Variants in SHC3 observed in about 807,000 individuals in gnomAD.
SHC3 encodes the protein SHC adaptor protein 3.
A neutral mutation model predicts 60.4 loss-of-function variants in SHC3; 15 were observed. The ratio of observed to expected loss-of-function variants is 0.25; its 90% confidence interval spans 0.17 to 0.38. The LOEUF (loss-of-function observed/expected upper bound fraction) is 0.38. Ranked by LOEUF, SHC3 falls within the 10% of genes least tolerant of loss-of-function variation. The pLI is 1.00. For missense variants in SHC3, 677 were observed against 786.1 expected, an observed-to-expected ratio of 0.86 and a Z score of 1.66; for synonymous variants, 294 against 325.9, an observed-to-expected ratio of 0.90 and a Z score of 1.05.
chr9:89,164,263 T>C (rs917258740), intron 1 of SHC3, among the ~76,000 whole-genome samples: 13 of 152,114 alleles, frequency 8.5e-5, no homozygotes, highest in Non-Finnish European at 1.6e-4. Flanking sequence ...ACTTGAAGGC[T>C]ACAGAGCTCT....
chr9:89,152,588 A>T lies in SHC3; in HGVS notation c.474+25399T>A, dbSNP rs531883043. Among the ~76,000 whole-genome samples the T allele has an allele frequency of 5.3e-5, 8 of 152,036 alleles. No individual in the cohort carries two copies. In the South Asian group the frequency reaches 8.3e-4, roughly 16 times the overall value. On this transcript the variant is annotated intron_variant, in intron 1 of 11. Coordinates refer to ENST00000375835, the MANE Select transcript of SHC3 (RefSeq NM_016848.6). ...AATTCTTTAAAGTCAACCACTGCCC[A>T]CTCTCCAGCTTATATAACATGGCAC... is the stretch of plus-strand genomic sequence containing the variant.
At chr9:89,153,048 T>A (rs952699315) in intron 1 of SHC3, among the ~76,000 whole-genome samples, 15 of 152,192 alleles carry the variant, frequency 9.9e-5, no homozygotes, top group African/African-American at 3.4e-4. Context: ...TCTGTTGATG[T>A]TTGCACTGGT....
chr9:89,037,551 G>A, intron 11 of SHC3: 1 of 716,136 alleles, frequency 1.4e-6, no homozygotes. Flanking sequence ...AAGAGACTTA[G>A]CAATGGGGGT....
chr9:89,127,592 T>C (rs1356960367), intron 1 of SHC3, among the ~76,000 whole-genome samples: 1 of 152,184 alleles, frequency 6.6e-6, no homozygotes, highest in African/African-American at 2.4e-5. Flanking sequence ...ATCTGACGTT[T>C]TTGACTTTGG....
intron 11 of SHC3, among the ~76,000 whole-genome samples, chr9:89,017,358 T>A (rs912486092): frequency 6.6e-6 from 1 of 152,176 alleles, no homozygotes; most frequent in African/African-American, 2.4e-5. Flanking sequence ...TCTACAACCA[T>A]CTGATCTTTG....
At position 89,113,476 on chromosome 9, in the gene SHC3, C is replaced by T. The variant is rs539158998; in HGVS notation, c.475-850G>A. 1.4e-4 allele frequency among the ~76,000 whole-genome samples: 21 copies of T among 151,916 alleles called. 1 individual carries two copies. The South Asian group carries it at 4.2e-3, about 30-fold the overall frequency. ...CTGCACTACAGCCTGGGCGACAGAGCGAGACTCCATCTCAAAAAAGAAAAA... is the reference window on the plus strand; with the variant it reads ...CTGCACTACAGCCTGGGCGACAGAGTGAGACTCCATCTCAAAAAAGAAAAA... On this transcript the variant is annotated intron_variant, in intron 1 of 11. Coordinates refer to ENST00000375835, the MANE Select transcript of SHC3 (RefSeq NM_016848.6).
At chr9:89,163,991 CT>C (rs1352872529) in intron 1 of SHC3, among the ~76,000 whole-genome samples, 2 of 152,068 alleles carry the variant, frequency 1.3e-5, no homozygotes, top group Non-Finnish European at 2.9e-5. Flanking sequence ...AGCTCCACCC[CT>C]ATGACCTAAT....
chr9:89,142,813 TTGG>T (rs1715135330), intron 1 of SHC3, among the ~76,000 whole-genome samples: 1 of 152,042 alleles, frequency 6.6e-6, no homozygotes, highest in African/African-American at 2.4e-5. Flanking sequence ...AGTCAGCCAA[TTGG>T]TGTGTGTACA....
intron 5 of SHC3, 151 bp downstream of exon 5, chr9:89,071,047 CA>C (rs1260763231): frequency 3.2e-6 from 2 of 626,916 alleles, no homozygotes; most frequent in Non-Finnish European, 5.3e-6. Context: ...AAACGATGGC[CA>C]AGAAGATCTT....
intron 11 of SHC3, among the ~76,000 whole-genome samples, chr9:89,035,295 A>T (rs1824553307): frequency 6.6e-6 from 1 of 152,168 alleles, no homozygotes; most frequent in Non-Finnish European, 1.5e-5. Context: ...ATCTACATAC[A>T]TTCATTGCAA....
intron 1 of SHC3, among the ~76,000 whole-genome samples, chr9:89,133,711 T>C (rs1826281536): frequency 2.0e-5 from 3 of 151,848 alleles, no homozygotes; most frequent in South Asian, 2.1e-4. Flanking sequence ...AATTGAACAA[T>C]GAGAACACTT....
intron 1 of SHC3, among the ~76,000 whole-genome samples, chr9:89,174,388 G>A (rs1460249327): frequency 2.0e-5 from 3 of 152,190 alleles, no homozygotes; most frequent in Non-Finnish European, 2.9e-5. Context: ...TTTTCTGATC[G>A]TTAAATCTCC....
At chr9:89,027,395 C>T (rs1456926223) in intron 11 of SHC3, among the ~76,000 whole-genome samples, 1 of 148,170 alleles carries the variant, frequency 6.7e-6, no homozygotes, top group African/African-American at 2.5e-5. Context: ...TCTCGGCTCA[C>T]TGCAGGCTGT....
chr9:89,055,663 G>A (rs189766820), intron 6 of SHC3, among the ~76,000 whole-genome samples: 43 of 152,258 alleles, frequency 2.8e-4, no homozygotes, highest in East Asian at 3.9e-4. Context: ...CTCTTAGCCC[G>A]TCACACAGAA....
intron 1 of SHC3, among the ~76,000 whole-genome samples, chr9:89,136,751 T>C (rs1198347748): frequency 6.6e-6 from 1 of 152,228 alleles, no homozygotes; most frequent in Non-Finnish European, 1.5e-5. Context: ...TGGATTTGCC[T>C]CGAATTCTTT....
intron 2 of SHC3, among the ~76,000 whole-genome samples, chr9:89,106,103 G>A (rs1291777634): frequency 6.6e-6 from 1 of 152,134 alleles, no homozygotes; most frequent in East Asian, 1.9e-4. Context: ...TTCTCTGGAT[G>A]AGGACCCCAG....
At chr9:89,095,457 G>C (rs1436253022) in intron 2 of SHC3, among the ~76,000 whole-genome samples, 2 of 152,164 alleles carry the variant, frequency 1.3e-5, no homozygotes, top group Non-Finnish European at 2.9e-5. Flanking sequence ...GGACGGGGAG[G>C]GGGAAGTGGG....
intron 1 of SHC3, among the ~76,000 whole-genome samples, chr9:89,121,498 C>T (rs1826092377): frequency 6.6e-6 from 1 of 152,154 alleles, no homozygotes; most frequent in South Asian, 2.1e-4. Flanking sequence ...CCATGTTGGT[C>T]AGGCTGGTCT....
At chr9:89,019,800 T>C (rs1244280203) in intron 11 of SHC3, among the ~76,000 whole-genome samples, 2 of 152,232 alleles carry the variant, frequency 1.3e-5, no homozygotes, top group Non-Finnish European at 2.9e-5. Flanking sequence ...ATAGGAATAC[T>C]CAATATTGTC....
Sources: allele counts gnomAD v4.1 joint callset (sites outside exome capture counted in the v4.1 genomes callset), GRCh38; gene constraint gnomAD v4.1.1; transcripts MANE v1.5; gene names NCBI Gene and HGNC (gene_info 2026-07-23, HGNC 2026-07-21).